CBLB: variants seen among roughly 807,000 people sequenced by gnomAD.
CBLB encodes E3 ubiquitin-protein ligase CBL-B.
A neutral mutation model predicts 104.9 loss-of-function variants in CBLB; 31 were observed. That is an observed-to-expected ratio of 0.30 (90% CI 0.22 to 0.40). The LOEUF (loss-of-function observed/expected upper bound fraction) is 0.40, where lower values mean the gene tolerates loss of function less well. Ranked by LOEUF, CBLB falls within the 10% of genes least tolerant of loss-of-function variation. The pLI, the probability that CBLB is intolerant of heterozygous loss-of-function variation, is 1.00. For synonymous variants in CBLB, 440 were observed against 422.6 expected, an observed-to-expected ratio of 1.04 and a Z score of -0.51; for missense variants, 1,062 against 1,214.6, an observed-to-expected ratio of 0.87 and a Z score of 1.87.
intron 2 of CBLB, among the ~76,000 whole-genome samples, chr3:105,858,249 T>C (rs951131405): frequency 4.6e-5 from 7 of 152,162 alleles, no homozygotes; most frequent in Non-Finnish European, 8.8e-5. Flanking sequence ...AACCCTGTGA[T>C]TTATGACAGC....
At chr3:105,777,374 C>A (rs1280118288) in intron 3 of CBLB, among the ~76,000 whole-genome samples, 1 of 152,184 alleles carries the variant, frequency 6.6e-6, no homozygotes, top group Non-Finnish European at 1.5e-5. Flanking sequence ...TGGTGACTCA[C>A]CCCTGTAATC....
chr3:105,791,982 T>A (rs2081700881), intron 3 of CBLB, among the ~76,000 whole-genome samples: 1 of 152,056 alleles, frequency 6.6e-6, no homozygotes, highest in Non-Finnish European at 1.5e-5. Context: ...CTACACGGAG[T>A]GGTGAATCTT....
chr3:105,655,636 T>C lies in CBLB; in HGVS notation c.*3334A>G, dbSNP rs185856679. On this transcript the variant is annotated 3_prime_UTR_variant, in exon 19 of 19. Coordinates refer to ENST00000394030, the MANE Select transcript of CBLB (RefSeq NM_170662.5). The stretch of plus-strand genomic sequence containing the variant: ...TTTTAAAAAACAATAAAATAGTAAT[T>C]GGGGAAAAAACCCTTCACTCTATTG... The C allele has an allele frequency of 7.2e-4, 139 of 191,934 alleles. No individual in the cohort carries two copies. The highest frequency in any genetic ancestry group is 3.1e-3 in the African/African-American group (134 of 43,162). The allele number at this position is 191,934 out of a possible 1,614,324, so 11.9% of individuals were successfully genotyped here.
At chr3:105,799,175 A>AAT (rs1282290284) in intron 3 of CBLB, among the ~76,000 whole-genome samples, 187 of 141,154 alleles carry the variant, frequency 1.3e-3, no homozygotes, top group African/African-American at 3.5e-3. Flanking sequence ...AATGACAAAG[A>AAT]ACAAAAAAAA....
intron 11 of CBLB, among the ~76,000 whole-genome samples, chr3:105,702,882 TA>T (rs1197212718): frequency 2.6e-5 from 4 of 152,182 alleles, no homozygotes; most frequent in African/African-American, 9.7e-5. Flanking sequence ...ATATTTGTAA[TA>T]TTTTTAGAAG....
At chr3:105,666,925 A>G (rs1412025177) in intron 18 of CBLB, among the ~76,000 whole-genome samples, 1 of 152,184 alleles carries the variant, frequency 6.6e-6, no homozygotes, top group Non-Finnish European at 1.5e-5. Context: ...TTGAAACACA[A>G]AATCTTAAAG....
chr3:105,834,243 GA>G (rs760695411), intron 3 of CBLB, among the ~76,000 whole-genome samples: 1 of 151,830 alleles, frequency 6.6e-6, no homozygotes, highest in Admixed American at 6.6e-5. Flanking sequence ...AGTTAAAAAA[GA>G]AAAAAAGTAA....
At chr3:105,795,189 G>A (rs557482069) in intron 3 of CBLB, among the ~76,000 whole-genome samples, 1 of 152,294 alleles carries the variant, frequency 6.6e-6, no homozygotes, top group South Asian at 2.1e-4. Context: ...TGGGATTACA[G>A]GCGTGAGCCA....
chr3:105,809,286 C>T (rs964109431), intron 3 of CBLB, among the ~76,000 whole-genome samples: 2 of 152,090 alleles, frequency 1.3e-5, no homozygotes, highest in African/African-American at 4.8e-5. Flanking sequence ...AACAAACATA[C>T]CCAACACTTG....
intron 3 of CBLB, among the ~76,000 whole-genome samples, chr3:105,821,422 TC>T (rs1181492646): frequency 6.6e-6 from 1 of 152,156 alleles, no homozygotes; most frequent in Non-Finnish European, 1.5e-5. Flanking sequence ...ATCAGTCCTT[TC>T]TAGTCCTAAA....
At chr3:105,763,582 C>T (rs1232124834) in intron 4 of CBLB, among the ~76,000 whole-genome samples, 1 of 152,192 alleles carries the variant, frequency 6.6e-6, no homozygotes, top group Non-Finnish European at 1.5e-5. Context: ...GTGAGGTCTC[C>T]CTAGTCATGT....
rs967784736 is a variant in CBLB at position 105,845,380 on chromosome 3, A to G, written c.419+8034T>C. Among the ~76,000 whole-genome samples the G allele has an allele frequency of 5.2e-5, 7 of 133,778 alleles. No individual in the cohort carries two copies. The South Asian group carries it at 7.1e-4, about 14-fold the overall frequency. The allele number at this position is 133,778 out of a possible 152,430, so 87.8% of individuals were successfully genotyped here. ...TGAACAGTATTAACATGGGGCTTAG[A>G]AAAAAAAAAAAAAACTAAACTAAAT... On this transcript the variant is annotated intron_variant, in intron 3 of 18. Transcript: ENST00000394030.
chr3:105,797,425 G>C (rs958657380), intron 3 of CBLB, among the ~76,000 whole-genome samples: 1 of 152,002 alleles, frequency 6.6e-6, no homozygotes, highest in Admixed American at 6.6e-5. Flanking sequence ...GGGAACAACA[G>C]ACACCAGGGG....
intron 4 of CBLB, chr3:105,762,350 G>A (rs1417127406): frequency 6.6e-6 from 1 of 152,216 alleles, no homozygotes; most frequent in Non-Finnish European, 1.5e-5. Context: ...AATGTCTCCA[G>A]GGCATGTCAG....
chr3:105,681,415 C>A, intron 16 of CBLB, 64 bp downstream of exon 16: 3 of 1,552,810 alleles, frequency 1.9e-6, no homozygotes, highest in Non-Finnish European at 2.7e-6. Context: ...ACTCTGAATT[C>A]TGAAAATTCT....
chr3:105,781,853 T>C (rs1416760495), intron 3 of CBLB, among the ~76,000 whole-genome samples: 2 of 152,164 alleles, frequency 1.3e-5, no homozygotes, highest in Admixed American at 6.5e-5. Flanking sequence ...ATTCTCACAT[T>C]TAAAAGCTAG....
intron 9 of CBLB, among the ~76,000 whole-genome samples, chr3:105,732,641 AAAG>A (rs776696499): frequency 3.0e-4 from 45 of 152,242 alleles, no homozygotes; most frequent in Middle Eastern, 3.4e-3. Context: ...AATATTCACA[AAAG>A]AAGAAGCAGG....
chr3:105,847,666 C>T (rs906483892), intron 3 of CBLB, among the ~76,000 whole-genome samples: 2 of 151,814 alleles, frequency 1.3e-5, no homozygotes, highest in Non-Finnish European at 2.9e-5. Context: ...TGGGTTGTAG[C>T]ACCCTGGCTC....
At chr3:105,783,254 T>C (rs1205302176) in intron 3 of CBLB, among the ~76,000 whole-genome samples, 1 of 130,736 alleles carries the variant, frequency 7.6e-6, no homozygotes, top group Non-Finnish European at 1.7e-5. Context: ...ACATAAGACA[T>C]GTAGGTAAGA....
Sources: gnomAD v4.1 joint callset for allele counts (sites outside exome capture counted in the v4.1 genomes callset) on GRCh38, gnomAD v4.1.1 for gene constraint, MANE v1.5 for transcripts, NCBI Gene and HGNC (gene_info 2026-07-23, HGNC 2026-07-21) for gene names.